GMDS: variants seen among roughly 807,000 people sequenced by gnomAD.
GMDS encodes the protein GDP-mannose 4,6 dehydratase.
In GMDS, 20 loss-of-function variants were observed where a neutral mutation model predicts 49.9. The ratio of observed to expected loss-of-function variants is 0.40; its 90% CI spans 0.28 to 0.58. The LOEUF is 0.58. Among genes scored for constraint, GMDS ranks in the 20% least tolerant of loss-of-function variants. The pLI, the probability that GMDS is intolerant of heterozygous loss-of-function variation, is 0.42. For synonymous variants in GMDS, 177 were observed against 178.6 expected, an observed-to-expected ratio of 0.99 and a Z score of 0.07; for missense variants, 362 against 481.4, an observed-to-expected ratio of 0.75 and a Z score of 2.32.
At chr6:1,973,042 T>C (rs181866920) in intron 4 of GMDS, among the ~76,000 whole-genome samples, 33 of 152,238 alleles carry the variant, frequency 2.2e-4, no homozygotes, top group Admixed American at 9.2e-4. Context: ...TATTTTAGAA[T>C]GTGCTTAAAG....
chr6:1,838,246 C>A (rs1212038236), intron 7 of GMDS, among the ~76,000 whole-genome samples: 1 of 152,202 alleles, frequency 6.6e-6, no homozygotes, highest in Non-Finnish European at 1.5e-5. Context: ...TTTCCCTTTA[C>A]AACTAAGTGA....
intron 7 of GMDS, among the ~76,000 whole-genome samples, chr6:1,898,989 T>C (rs1760362194): frequency 6.6e-6 from 1 of 152,216 alleles, no homozygotes; most frequent in Non-Finnish European, 1.5e-5. Context: ...TGAAATAATG[T>C]ACATAACAGT....
intron 9 of GMDS, among the ~76,000 whole-genome samples, chr6:1,726,033 A>G (rs1766571001): frequency 6.6e-6 from 1 of 152,198 alleles, no homozygotes. Flanking sequence ...ACAGACATAG[A>G]CATAGCTGGA....
intron 1 of GMDS, among the ~76,000 whole-genome samples, chr6:2,142,962 C>T (rs1226286463): frequency 6.6e-6 from 1 of 152,124 alleles, no homozygotes; most frequent in East Asian, 1.9e-4. Flanking sequence ...TTCAGTGGAA[C>T]TCACAATTCT....
At chr6:2,079,500 C>T (rs1242762650) in intron 4 of GMDS, among the ~76,000 whole-genome samples, 1 of 152,072 alleles carries the variant, frequency 6.6e-6, no homozygotes, top group African/African-American at 2.4e-5. Flanking sequence ...AGTCATTTTG[C>T]TCCCAGGATT....
At chr6:1,880,128 A>G (rs1759292398) in intron 7 of GMDS, among the ~76,000 whole-genome samples, 1 of 152,070 alleles carries the variant, frequency 6.6e-6, no homozygotes, top group Non-Finnish European at 1.5e-5. Context: ...AGAGGAAGGT[A>G]AAGTCACAAA....
chr6:1,683,296 T>TG (rs1185636691), intron 9 of GMDS, among the ~76,000 whole-genome samples: 1 of 152,186 alleles, frequency 6.6e-6, no homozygotes, highest in Non-Finnish European at 1.5e-5. Context: ...GCTAGTTTTT[T>TG]GTATTTTTAG....
intron 9 of GMDS, among the ~76,000 whole-genome samples, chr6:1,629,602 G>A (rs1038419482): frequency 2.6e-5 from 4 of 152,194 alleles, no homozygotes; most frequent in Non-Finnish European, 2.9e-5. Context: ...GGAGGCTGCC[G>A]TGTGGCAATC....
At chr6:1,914,131 G>GTTTTT (rs563808537) in intron 7 of GMDS, among the ~76,000 whole-genome samples, 99 of 77,774 alleles carry the variant, frequency 1.3e-3, no homozygotes, top group Admixed American at 2.5e-3. Context: ...TTTTTTGTTT[G>GTTTTT]TTTTTTTTTT....
intron 4 of GMDS, among the ~76,000 whole-genome samples, chr6:1,975,113 A>G (rs1764826636): frequency 6.6e-6 from 1 of 152,170 alleles, no homozygotes; most frequent in African/African-American, 2.4e-5. Flanking sequence ...ATATTGTTAG[A>G]TATCATTTTC....
chr6:1,658,827 C>T (rs1275126164), intron 9 of GMDS, among the ~76,000 whole-genome samples: 1 of 152,238 alleles, frequency 6.6e-6, no homozygotes, highest in Non-Finnish European at 1.5e-5. Context: ...TTGCCCCAGC[C>T]AAGCTCGCAG....
intron 9 of GMDS, among the ~76,000 whole-genome samples, chr6:1,684,122 C>T (rs1331289737): frequency 6.6e-6 from 1 of 152,140 alleles, no homozygotes; most frequent in Admixed American, 6.5e-5. Context: ...ACACCACTCA[C>T]TCTCTTCAGG....
intron 1 of GMDS, chr6:2,175,998 G>A: frequency 6.5e-7 from 1 of 1,534,638 alleles, no homozygotes. Context: ...TACAAAACTG[G>A]ATCACACAAA....
intron 6 of GMDS, among the ~76,000 whole-genome samples, chr6:1,953,615 T>C (rs982199867): frequency 2.0e-5 from 3 of 152,202 alleles, no homozygotes; most frequent in Non-Finnish European, 2.9e-5. Context: ...CCCCAACTGG[T>C]TACATTACAT....
chr6:2,133,898 T>C (rs1017144163), intron 1 of GMDS, among the ~76,000 whole-genome samples: 2 of 152,140 alleles, frequency 1.3e-5, no homozygotes, highest in African/African-American at 4.8e-5. Flanking sequence ...GCACAAAGAA[T>C]GTTGATTTCA....
At chr6:1,693,794 T>C (rs1765250550) in intron 9 of GMDS, among the ~76,000 whole-genome samples, 2 of 152,220 alleles carry the variant, frequency 1.3e-5, no homozygotes, top group South Asian at 4.1e-4. Flanking sequence ...GCACAGTTAC[T>C]AGTTTGTTTT....
intron 7 of GMDS, among the ~76,000 whole-genome samples, chr6:1,805,957 A>C (rs1192506507): frequency 6.6e-6 from 1 of 152,180 alleles, no homozygotes; most frequent in Non-Finnish European, 1.5e-5. Context: ...GAAAATGTAG[A>C]TATATGTAAT....
At chr6:1,650,199 G>A (rs1470020446) in intron 9 of GMDS, among the ~76,000 whole-genome samples, 3 of 151,804 alleles carry the variant, frequency 2.0e-5, no homozygotes, top group East Asian at 3.9e-4. Context: ...TGCATTTATC[G>A]TACCAAGAGT....
chr6:2,148,407 T>TTTTG (rs886232034), intron 1 of GMDS, among the ~76,000 whole-genome samples: 4 of 152,068 alleles, frequency 2.6e-5, no homozygotes, highest in African/African-American at 4.8e-5. Context: ...TCTATCAAGT[T>TTTTG]TTTGTTTGTT....
Sources: gnomAD v4.1 joint callset for allele counts (sites outside exome capture counted in the v4.1 genomes callset) on GRCh38, gnomAD v4.1.1 for gene constraint, MANE v1.5 for transcripts, NCBI Gene and HGNC (gene_info 2026-07-23, HGNC 2026-07-21) for gene names.